Variants in LYRM4 observed in about 807,000 individuals in gnomAD.
LYRM4 encodes the protein LYR motif containing 4.
LYRM4 carries 9 observed loss-of-function variants against 11.7 expected under a neutral mutation model. That is an observed-to-expected ratio of 0.77 (90% CI 0.46 to 1.34). The LOEUF is 1.34. Ranked by LOEUF, LYRM4 falls within the 40% of genes most tolerant of loss-of-function variation. The pLI, the probability that LYRM4 is intolerant of heterozygous loss-of-function variation, is 0.00. For synonymous variants in LYRM4, 42 were observed against 40.4 expected, an observed-to-expected ratio of 1.04 and a Z score of -0.15; for missense variants, 133 against 112.5, an observed-to-expected ratio of 1.18 and a Z score of -0.82.
At chr6:5,180,571 C>A (rs750363301) in intron 2 of LYRM4, among the ~76,000 whole-genome samples, 3 of 152,150 alleles carry the variant, frequency 2.0e-5, no homozygotes, top group African/African-American at 7.2e-5. Flanking sequence ...AGTTTCCTGT[C>A]TTCCCACTTT....
chr6:5,232,741 G>C (rs971234082), intron 1 of LYRM4, among the ~76,000 whole-genome samples: 1 of 152,192 alleles, frequency 6.6e-6, no homozygotes, highest in African/African-American at 2.4e-5. Context: ...TTCATTTTGA[G>C]TTGCATGAAA....
At chr6:5,065,667 G>A in the LYRM4 span, 4 of 153,342 alleles carry the variant, frequency 2.6e-5, no homozygotes, top group African/African-American at 9.7e-5. Context: ...CAGGAGAAAT[G>A]ATCTACGTGT....
intron 2 of LYRM4, among the ~76,000 whole-genome samples, chr6:5,208,813 T>C (rs757896532): frequency 6.6e-6 from 1 of 152,238 alleles, no homozygotes; most frequent in Non-Finnish European, 1.5e-5. Context: ...AGAGGAATTA[T>C]ATATTAAATA....
At chr6:5,055,998 T>C in the LYRM4 span, among the ~76,000 whole-genome samples, 1 of 151,872 alleles carries the variant, frequency 6.6e-6, no homozygotes, top group South Asian at 2.1e-4. This position sits in a 1 kb window ranked among gnomAD's most constrained non-coding sequence, Gnocchi z 4.5. Flanking sequence ...TTCATCTCTC[T>C]TTCTCTTTCT....
At chr6:5,123,717 G>A (rs1239968545) in intron 2 of LYRM4, among the ~76,000 whole-genome samples, 1 of 152,238 alleles carries the variant, frequency 6.6e-6, no homozygotes, top group East Asian at 1.9e-4. Flanking sequence ...CATTCTGAGG[G>A]GCCCATGCCG....
the LYRM4 span, among the ~76,000 whole-genome samples, chr6:5,076,985 G>A: frequency 6.6e-6 from 1 of 152,146 alleles, no homozygotes; most frequent in Non-Finnish European, 1.5e-5. Flanking sequence ...TTTCTCTTGA[G>A]AAAAAAGGAA....
At chr6:5,129,395 C>T (rs1242351912) in intron 2 of LYRM4, among the ~76,000 whole-genome samples, 2 of 152,138 alleles carry the variant, frequency 1.3e-5, no homozygotes, top group East Asian at 1.9e-4. Flanking sequence ...GGCTTCTTCC[C>T]GAGGCTCTGG....
At chr6:5,070,066 A>C in the LYRM4 span, among the ~76,000 whole-genome samples, 7 of 152,258 alleles carry the variant, frequency 4.6e-5, no homozygotes, top group Non-Finnish European at 7.3e-5. Flanking sequence ...ATGGAGCAAC[A>C]CTACAATGCA....
chr6:5,233,666 C>T (rs1054024666), intron 1 of LYRM4, among the ~76,000 whole-genome samples: 1 of 152,198 alleles, frequency 6.6e-6, no homozygotes, highest in Non-Finnish European at 1.5e-5. Context: ...TTTTTAAAGA[C>T]AGGGTCTCTA....
At chr6:5,039,116 A>T in the LYRM4 span, among the ~76,000 whole-genome samples, 2 of 150,462 alleles carry the variant, frequency 1.3e-5, no homozygotes, top group East Asian at 1.9e-4. Context: ...ATTTATTTTC[A>T]TTTTTTTTTC....
intron 2 of LYRM4, among the ~76,000 whole-genome samples, chr6:5,151,839 C>G (rs1047049479): frequency 6.6e-6 from 1 of 152,168 alleles, no homozygotes; most frequent in African/African-American, 2.4e-5. Context: ...CTTTAGGGCA[C>G]AGAGGGAGGC....
At chr6:5,059,573 A>G in the LYRM4 span, among the ~76,000 whole-genome samples, 2 of 151,906 alleles carry the variant, frequency 1.3e-5, no homozygotes, top group African/African-American at 4.8e-5. Context: ...CTGTCAACAC[A>G]CCTGGACATG....
At chr6:5,237,455 G>C (rs1439260939) in intron 1 of LYRM4, among the ~76,000 whole-genome samples, 1 of 151,850 alleles carries the variant, frequency 6.6e-6, no homozygotes, top group East Asian at 1.9e-4. Flanking sequence ...ATTATGGTGA[G>C]TTTCATAATT....
At chr6:5,033,670 A>C in the LYRM4 span, 1 of 152,224 alleles carries the variant, frequency 6.6e-6, no homozygotes, top group Non-Finnish European at 1.5e-5. Flanking sequence ...TACAACACAG[A>C]TCAAGCCACT....
chr6:5,204,622 C>T (rs1212334966), intron 2 of LYRM4, among the ~76,000 whole-genome samples: 3 of 152,064 alleles, frequency 2.0e-5, no homozygotes, highest in African/African-American at 7.2e-5. Context: ...CACTGCTTAC[C>T]CTCTCTCCTT....
chr6:5,147,675 C>T (rs1375603271), intron 2 of LYRM4, among the ~76,000 whole-genome samples: 1 of 152,190 alleles, frequency 6.6e-6, no homozygotes, highest in African/African-American at 2.4e-5. Context: ...CTAAAATTCA[C>T]ATTCAGAAAA....
the LYRM4 span, chr6:5,086,570 G>A: frequency 6.7e-7 from 1 of 1,496,260 alleles, no homozygotes; most frequent in Non-Finnish European, 8.9e-7. Flanking sequence ...TGAGCCTGGA[G>A]AGTTTCGAAG....
At chr6:5,113,490 A>G (rs1357103298) in intron 2 of LYRM4, 2 of 320,340 alleles carry the variant, frequency 6.2e-6, no homozygotes, top group Non-Finnish European at 1.3e-5. Context: ...ATAGACGGGC[A>G]GCCAGAGGAA....
chr6:5,194,095 G>A (rs1295468227), intron 2 of LYRM4, among the ~76,000 whole-genome samples: 1 of 150,128 alleles, frequency 6.7e-6, no homozygotes, highest in Non-Finnish European at 1.5e-5. Context: ...TGGGGGAAGA[G>A]AATGAGAAAG....
Sources: allele counts gnomAD v4.1 joint callset (sites outside exome capture counted in the v4.1 genomes callset), GRCh38; gene constraint gnomAD v4.1.1; non-coding constraint Gnocchi (gnomAD v3.1); transcripts MANE v1.5; gene names NCBI Gene and HGNC (gene_info 2026-07-23, HGNC 2026-07-21).